SLC8A1: variants seen among roughly 807,000 people sequenced by gnomAD.
SLC8A1 encodes the protein sodium/calcium exchanger 1.
Under a neutral mutation model 68.3 loss-of-function variants are expected in SLC8A1, and 18 were observed. That is an observed-to-expected ratio of 0.26 (90% CI 0.18 to 0.39). The LOEUF is 0.39. Among genes scored for constraint, SLC8A1 ranks in the 10% least tolerant of loss-of-function variants. SLC8A1 has a pLI of 1.00. For missense variants in SLC8A1, 985 were observed against 1,156.7 expected (o/e 0.85, Z 2.15); for synonymous variants, 475 against 415.5 (o/e 1.14, Z -1.74).
chr2:40,423,782 T>A (rs948504368), intron 2 of SLC8A1, among the ~76,000 whole-genome samples: 1 of 152,050 alleles, frequency 6.6e-6, no homozygotes. Context: ...TTCAGACTCA[T>A]AAATGTTTTT....
intron 2 of SLC8A1, among the ~76,000 whole-genome samples, chr2:40,222,395 C>T (rs1574285406): frequency 6.6e-6 from 1 of 152,006 alleles, no homozygotes; most frequent in Non-Finnish European, 1.5e-5. Context: ...TTAAAGACTT[C>T]AGCATAAGAC....
chr2:40,444,480 G>A (rs1701072798), intron 1 of SLC8A1, among the ~76,000 whole-genome samples: 1 of 152,130 alleles, frequency 6.6e-6, no homozygotes, highest in Non-Finnish European at 1.5e-5. Context: ...AACAAATTCT[G>A]TGAATTTCTA....
At chr2:40,488,341 C>T (rs1007127011) in intron 1 of SLC8A1, among the ~76,000 whole-genome samples, 2 of 151,850 alleles carry the variant, frequency 1.3e-5, no homozygotes, top group Admixed American at 1.3e-4. Context: ...AGGGAATTAC[C>T]GTGCCATAGA....
intron 2 of SLC8A1, among the ~76,000 whole-genome samples, chr2:40,296,858 G>T (rs1040972816): frequency 2.6e-5 from 4 of 152,126 alleles, no homozygotes; most frequent in African/African-American, 9.7e-5. Context: ...CACCCAGGTA[G>T]TTGACAAAGC....
intron 4 of SLC8A1, among the ~76,000 whole-genome samples, chr2:40,174,131 A>G (rs377702645): frequency 6.6e-6 from 1 of 152,106 alleles, no homozygotes; most frequent in African/African-American, 2.4e-5. Context: ...ACTAAAACCT[A>G]AGTCCCCAGA....
At chr2:40,412,000 T>C (rs953903247) in intron 2 of SLC8A1, among the ~76,000 whole-genome samples, 1 of 152,154 alleles carries the variant, frequency 6.6e-6, no homozygotes, top group African/African-American at 2.4e-5. Context: ...ACCATTGATA[T>C]AGAAAAATTT....
At chr2:40,247,302 G>A (rs1381340053) in intron 2 of SLC8A1, among the ~76,000 whole-genome samples, 1 of 152,174 alleles carries the variant, frequency 6.6e-6, no homozygotes, top group African/African-American at 2.4e-5. Flanking sequence ...CCATGGTCCT[G>A]AACAGCCAGG....
At chr2:40,235,277 T>G (rs914496637) in intron 2 of SLC8A1, among the ~76,000 whole-genome samples, 55 of 152,094 alleles carry the variant, frequency 3.6e-4, no homozygotes, top group African/African-American at 1.3e-3. Context: ...CAATTTCAGA[T>G]CCTGTTGTTG....
Position 40,499,257 on chromosome 2 carries a change from C to A in SLC8A1, c.-25+13092G>T, listed in dbSNP as rs541736947. ...TAGAGGATAACATTGACTTTAGAGT[C>A]AGACTTTTCTAGCTCTACTGTAATT... On this transcript the variant is annotated intron_variant, in intron 1 of 7. Transcript: ENST00000402441. Among the ~76,000 whole-genome samples the A allele has an allele frequency of 1.6e-4, 24 of 152,206 alleles. No homozygotes were observed. The South Asian group carries it at 5.0e-3, about 31-fold the overall frequency.
At chr2:40,174,996 A>C (rs993647989) in intron 3 of SLC8A1, among the ~76,000 whole-genome samples, 154 bp from the exon 5 acceptor site, 1 of 152,154 alleles carries the variant, frequency 6.6e-6, no homozygotes, top group Admixed American at 6.5e-5. Context: ...CTGAATCACT[A>C]ATCGTTCTTT....
At chr2:40,144,002 T>C (rs933490931) in intron 6 of SLC8A1, among the ~76,000 whole-genome samples, 1 of 152,206 alleles carries the variant, frequency 6.6e-6, no homozygotes, top group East Asian at 1.9e-4. Flanking sequence ...CTCCCATCTC[T>C]CAGAGCTGTT....
intron 2 of SLC8A1, among the ~76,000 whole-genome samples, chr2:40,410,602 T>C (rs1404504870): frequency 3.9e-5 from 6 of 152,126 alleles, no homozygotes; most frequent in Non-Finnish European, 8.8e-5. Flanking sequence ...AAAAAATGTT[T>C]TACATGTATA....
At chr2:40,429,738 G>A (rs1697822066) in exon 2 of SLC8A1, 1 of 1,613,764 alleles carries the variant, frequency 6.2e-7, no homozygotes, top group Non-Finnish European at 8.5e-7. Context: ...GTGCAATAAT[G>A]ATGAACATAT....
At chr2:40,421,138 A>T (rs1449851781) in intron 2 of SLC8A1, among the ~76,000 whole-genome samples, 1 of 151,908 alleles carries the variant, frequency 6.6e-6, no homozygotes, top group Non-Finnish European at 1.5e-5. Flanking sequence ...ATCACCACCA[A>T]CACCATCAGC....
intron 2 of SLC8A1, among the ~76,000 whole-genome samples, chr2:40,285,924 TCTGATTAGAGAATAA>T (rs1216099216): frequency 6.6e-5 from 10 of 152,324 alleles, no homozygotes; most frequent in South Asian, 4.1e-4. Context: ...TATATGATCT[TCTGATTAGAGAATAA>T]CTGCCAAAAT....
intron 2 of SLC8A1, among the ~76,000 whole-genome samples, chr2:40,279,602 A>T (rs1426588644): frequency 6.6e-6 from 1 of 152,158 alleles, no homozygotes; most frequent in African/African-American, 2.4e-5. Context: ...ATAATTTCGG[A>T]GATGCTATAT....
chr2:40,123,718 G>A (rs1471559544), intron 7 of SLC8A1, among the ~76,000 whole-genome samples: 1 of 151,860 alleles, frequency 6.6e-6, no homozygotes, highest in African/African-American at 2.4e-5. Flanking sequence ...AGTCCGTGAG[G>A]GCAAAAAGAA....
intron 2 of SLC8A1, chr2:40,195,975 C>G (rs72792772): frequency 6.6e-6 from 1 of 151,288 alleles, no homozygotes. Flanking sequence ...AAAGGGAGAC[C>G]GAGAGGGGTG....
intron 2 of SLC8A1, among the ~76,000 whole-genome samples, chr2:40,201,829 A>G (rs1358389218): frequency 6.6e-6 from 1 of 151,968 alleles, no homozygotes; most frequent in South Asian, 2.1e-4. Flanking sequence ...GAAAGCAGCA[A>G]TGATAAGGGG....
Sources: allele counts gnomAD v4.1 joint callset (sites outside exome capture counted in the v4.1 genomes callset), GRCh38; gene constraint gnomAD v4.1.1; transcripts MANE v1.5; gene names NCBI Gene and HGNC (gene_info 2026-07-23, HGNC 2026-07-21).